Variants in RBM33 observed in about 807,000 individuals in gnomAD.
RBM33 encodes the protein RNA binding motif protein 33, also known as RNA-binding protein 33.
A neutral mutation model predicts 132.6 loss-of-function variants in RBM33; 28 were observed. The ratio of observed to expected loss-of-function variants is 0.21; its 90% CI spans 0.16 to 0.29. The LOEUF is 0.29. RBM33 is among the 10% of genes least tolerant of loss of function. The pLI, the probability that RBM33 is intolerant of heterozygous loss-of-function variation, is 1.00. For missense variants in RBM33, 1,291 were observed against 1,518.5 expected (o/e 0.85, Z 2.49); for synonymous variants, 634 against 593.0 (o/e 1.07, Z -1.01).
chr7:155,725,132 A>C (rs1800753198), intron 9 of RBM33, among the ~76,000 whole-genome samples: 1 of 146,556 alleles, frequency 6.8e-6, no homozygotes, highest in Non-Finnish European at 1.5e-5. Context: ...GACAGACTGT[A>C]TGCTTTTCAG....
chr7:155,646,590 C>T (rs533556073), intron 1 of RBM33, among the ~76,000 whole-genome samples: 1 of 152,178 alleles, frequency 6.6e-6, no homozygotes, highest in Non-Finnish European at 1.5e-5. Context: ...CTCCTGTACC[C>T]GCTCTTGCCA....
intron 1 of RBM33, among the ~76,000 whole-genome samples, chr7:155,648,918 T>C (rs1244859858): frequency 6.6e-6 from 1 of 152,212 alleles, no homozygotes; most frequent in Non-Finnish European, 1.5e-5. Flanking sequence ...CACTTCTCTC[T>C]TGGTGTATTC....
At chr7:155,761,748 C>CT in intron 14 of RBM33, among the ~76,000 whole-genome samples, 1 of 152,140 alleles carries the variant, frequency 6.6e-6, no homozygotes, top group African/African-American at 2.4e-5. Context: ...CACAGATTGT[C>CT]TTTTTTCTGT....
chr7:155,647,694 G>A (rs958788983), intron 1 of RBM33, among the ~76,000 whole-genome samples: 3 of 152,184 alleles, frequency 2.0e-5, no homozygotes, highest in African/African-American at 4.8e-5. Context: ...AGAGTGCAAG[G>A]ATTACGTGAG....
At chr7:155,761,048 C>G (rs1434569701) in intron 14 of RBM33, among the ~76,000 whole-genome samples, 1 of 152,184 alleles carries the variant, frequency 6.6e-6, no homozygotes, top group Admixed American at 6.5e-5. Context: ...CTCAGTCACC[C>G]GCAGCCCTGG....
At chr7:155,753,221 CTAATTCTTCTGGGCATTATTT>C (rs1801739165) in intron 14 of RBM33, among the ~76,000 whole-genome samples, 1 of 152,234 alleles carries the variant, frequency 6.6e-6, no homozygotes, top group African/African-American at 2.4e-5. Flanking sequence ...TGAATCATTA[CTAATTCTTCTGGGCATTATTT>C]CCTGCAAAAA....
chr7:155,676,405 C>G (rs748330461), intron 3 of RBM33, among the ~76,000 whole-genome samples: 9 of 152,224 alleles, frequency 5.9e-5, no homozygotes, highest in Admixed American at 2.6e-4. Flanking sequence ...GACAGACATT[C>G]TCCTGTTACA....
At chr7:155,693,395 G>A (rs1366461151) in intron 5 of RBM33, among the ~76,000 whole-genome samples, 1 of 150,264 alleles carries the variant, frequency 6.7e-6, no homozygotes, top group African/African-American at 2.5e-5. Context: ...GTTGTTTTCA[G>A]TATGAATCTT....
In RBM33 at chr7:155,777,572, C is replaced by T. The variant is rs544368609; in HGVS notation, c.*2531C>T. Reference sequence around the variant, plus strand: ...AGTCAGCCCACACCAGCCAAACCCTCGTGGAAGATCTGCTGCAACCATTAT... The same window carrying T: ...AGTCAGCCCACACCAGCCAAACCCTTGTGGAAGATCTGCTGCAACCATTAT... On this transcript the variant is annotated 3_prime_UTR_variant, in exon 18 of 18. Coordinates refer to ENST00000401878, the MANE Select transcript of RBM33 (RefSeq NM_053043.3). 1.9e-4 allele frequency: 29 copies of T among 152,594 alleles called. No homozygotes were observed. Among genetic ancestry groups the T allele is most frequent in the African/African-American group, 6.0e-4 (25 of 41,584 alleles). The allele number at this position is 152,594 out of a possible 1,614,324, so 9.5% of individuals were successfully genotyped here.
intron 2 of RBM33, among the ~76,000 whole-genome samples, chr7:155,670,917 G>A (rs1798927408): frequency 6.6e-6 from 1 of 152,174 alleles, no homozygotes; most frequent in Non-Finnish European, 1.5e-5. Context: ...AGTTATTAAA[G>A]GTTGATTTAT....
chr7:155,650,864 TTTG>T (rs776933463), intron 1 of RBM33, among the ~76,000 whole-genome samples: 31 of 152,102 alleles, frequency 2.0e-4, no homozygotes, highest in Non-Finnish European at 3.8e-4. Context: ...ACAGCTTCTT[TTTG>T]TTGTTGTTGT....
At chr7:155,679,457 A>T (rs965834553) in intron 4 of RBM33, among the ~76,000 whole-genome samples, 2 of 151,848 alleles carry the variant, frequency 1.3e-5, no homozygotes, top group Non-Finnish European at 2.9e-5. Context: ...TGATACGATG[A>T]ATGTCTTTCT....
At chr7:155,712,442 C>T (rs1800333677) in intron 8 of RBM33, among the ~76,000 whole-genome samples, 1 of 152,210 alleles carries the variant, frequency 6.6e-6, no homozygotes, top group Admixed American at 6.5e-5. Context: ...CATGATATTA[C>T]TTTCTATCAG....
chr7:155,768,103 G>A (rs1002211196), intron 16 of RBM33, among the ~76,000 whole-genome samples: 17 of 152,280 alleles, frequency 1.1e-4, no homozygotes, highest in African/African-American at 4.1e-4. Context: ...TGGGCAGAAG[G>A]GTTGCACTGT....
intron 9 of RBM33, among the ~76,000 whole-genome samples, chr7:155,732,174 G>C (rs1364922337): frequency 6.6e-6 from 1 of 152,234 alleles, no homozygotes; most frequent in Admixed American, 6.5e-5. Context: ...GCCGGGATAG[G>C]AGAGAGTGGC....
intron 14 of RBM33, 39 bp from the exon 15 acceptor site, chr7:155,763,773 C>T (rs1645648744): frequency 1.3e-6 from 2 of 1,568,668 alleles, no homozygotes; most frequent in African/African-American, 1.3e-5. Context: ...TTTGGTGGAG[C>T]AGACACTGAA....
intron 4 of RBM33, among the ~76,000 whole-genome samples, chr7:155,679,661 A>G (rs1799283679): frequency 1.3e-5 from 2 of 152,236 alleles, no homozygotes; most frequent in South Asian, 4.1e-4. Context: ...TTTTACAGGT[A>G]AAAATAAGTT....
chr7:155,691,747 G>A (rs988927609), intron 5 of RBM33, among the ~76,000 whole-genome samples: 2 of 152,080 alleles, frequency 1.3e-5, no homozygotes, highest in African/African-American at 4.8e-5. Flanking sequence ...TAAAACAAAA[G>A]AGAGCTACTA....
chr7:155,764,109 C>T, intron 15 of RBM33, 91 bp downstream of exon 15: 2 of 962,924 alleles, frequency 2.1e-6, no homozygotes, highest in South Asian at 3.5e-5. Flanking sequence ...GCGCATGGCA[C>T]ACAGTAGTAC....
Sources: allele counts gnomAD v4.1 joint callset (sites outside exome capture counted in the v4.1 genomes callset), GRCh38; gene constraint gnomAD v4.1.1; transcripts MANE v1.5; gene names NCBI Gene and HGNC (gene_info 2026-07-23, HGNC 2026-07-21).